The following EEFSEC variants were observed in gnomAD, a reference collection of about 807,000 sequenced individuals.
The protein encoded by EEFSEC is eukaryotic elongation factor, selenocysteine-tRNA specific.
EEFSEC carries 43 observed loss-of-function variants against 42.1 expected under a neutral mutation model. That is an observed-to-expected ratio of 1.02 (90% CI 0.80 to 1.32). The LOEUF (loss-of-function observed/expected upper bound fraction) is 1.32, where lower values mean the gene tolerates loss of function less well. Among genes scored for constraint, EEFSEC ranks in the 40% most tolerant of loss-of-function variants. The pLI is 0.00. For synonymous variants in EEFSEC, 354 were observed against 339.1 expected (o/e 1.04, Z -0.48); for missense variants, 745 against 803.6 (o/e 0.93, Z 0.88).
intron 2 of EEFSEC, among the ~76,000 whole-genome samples, chr3:128,247,551 A>G (rs1456410974): frequency 5.9e-5 from 9 of 152,208 alleles, no homozygotes; most frequent in African/African-American, 1.7e-4. Context: ...AGCTTGTAAG[A>G]TTGGGTGGAC....
intron 4 of EEFSEC, among the ~76,000 whole-genome samples, chr3:128,312,731 A>C (rs1475070306): frequency 6.6e-6 from 1 of 152,218 alleles, no homozygotes; most frequent in Admixed American, 6.5e-5. Context: ...CTGGATTGGC[A>C]AAGGGACCTG....
chr3:128,195,092 T>C (rs1253437369), intron 1 of EEFSEC, among the ~76,000 whole-genome samples: 10 of 151,940 alleles, frequency 6.6e-5, no homozygotes, highest in African/African-American at 2.2e-4. Flanking sequence ...GTAGCAGCAG[T>C]ACAATTAATA....
chr3:128,424,810 G>A, the EEFSEC span, among the ~76,000 whole-genome samples: 1 of 152,108 alleles, frequency 6.6e-6, no homozygotes, highest in Admixed American at 6.5e-5. Context: ...GTGAATGGAA[G>A]TAACAACCTC....
chr3:128,319,868 T>TA (rs1317298319), intron 4 of EEFSEC, among the ~76,000 whole-genome samples: 1 of 152,168 alleles, frequency 6.6e-6, no homozygotes, highest in Non-Finnish European at 1.5e-5. Context: ...GCCAAGGGAG[T>TA]AGCCCCTCTT....
chr3:128,384,036 G>A (rs1301573606), intron 6 of EEFSEC, among the ~76,000 whole-genome samples: 1 of 152,242 alleles, frequency 6.6e-6, no homozygotes, highest in African/African-American at 2.4e-5. Flanking sequence ...ATGGAGGCTA[G>A]ATTCTACTCC....
chr3:128,286,753 G>T (rs920007473), intron 4 of EEFSEC, among the ~76,000 whole-genome samples: 9 of 152,204 alleles, frequency 5.9e-5, no homozygotes, highest in Admixed American at 5.9e-4. Flanking sequence ...TGCTGCTGGG[G>T]CATCATTGCT....
intron 1 of EEFSEC, among the ~76,000 whole-genome samples, chr3:128,178,854 C>G (rs933060291): frequency 9.2e-5 from 14 of 152,138 alleles, no homozygotes; most frequent in African/African-American, 3.4e-4. Context: ...TTTATTGTAA[C>G]AGTTATTGTT....
intron 2 of EEFSEC, among the ~76,000 whole-genome samples, chr3:128,255,050 G>A (rs1055566862): frequency 1.3e-5 from 2 of 152,168 alleles, no homozygotes; most frequent in African/African-American, 2.4e-5. Context: ...CCATATCAGA[G>A]GCCAGGAATT....
At chr3:128,308,513 G>A (rs1389443841) in intron 4 of EEFSEC, among the ~76,000 whole-genome samples, 1 of 152,210 alleles carries the variant, frequency 6.6e-6, no homozygotes, top group African/African-American at 2.4e-5. Context: ...GAAGCCAAAT[G>A]CCATTTAATC....
intron 4 of EEFSEC, among the ~76,000 whole-genome samples, chr3:128,283,382 C>T (rs1024049990): frequency 3.9e-5 from 6 of 152,348 alleles, no homozygotes; most frequent in Non-Finnish European, 5.9e-5. Context: ...TACTTGCTTC[C>T]ACAAGTGAAA....
At chr3:128,422,716 C>T in the EEFSEC span, among the ~76,000 whole-genome samples, 30 of 152,366 alleles carry the variant, frequency 2.0e-4, no homozygotes, top group Non-Finnish European at 3.7e-4. Context: ...GAGCTTGAAA[C>T]ATCCCGTCCC....
At chr3:128,368,611 G>A (rs2067618153) in intron 6 of EEFSEC, among the ~76,000 whole-genome samples, 1 of 152,236 alleles carries the variant, frequency 6.6e-6, no homozygotes, top group Non-Finnish European at 1.5e-5. Flanking sequence ...TTGCTGGTCA[G>A]GGCCACTTCC....
intron 6 of EEFSEC, 72 bp downstream of exon 6, chr3:128,358,445 A>C (rs1320875785): frequency 3.8e-6 from 6 of 1,571,300 alleles, no homozygotes; most frequent in Non-Finnish European, 4.3e-6. Flanking sequence ...GGTGATGCCA[A>C]GGTGGCGCTC....
At chr3:128,196,746 C>T (rs2065588826) in intron 1 of EEFSEC, among the ~76,000 whole-genome samples, 1 of 152,172 alleles carries the variant, frequency 6.6e-6, no homozygotes, top group African/African-American at 2.4e-5. Flanking sequence ...GTGTCTGTCA[C>T]TTACTGGCAC....
intron 1 of EEFSEC, among the ~76,000 whole-genome samples, chr3:128,241,342 T>C (rs1306432435): frequency 6.6e-6 from 1 of 151,732 alleles, no homozygotes; most frequent in Non-Finnish European, 1.5e-5. Context: ...CCCAAGTAGG[T>C]GGGATTACAG....
chr3:128,229,916 T>G (rs1393868117), intron 1 of EEFSEC, among the ~76,000 whole-genome samples: 1 of 152,354 alleles, frequency 6.6e-6, no homozygotes, highest in Non-Finnish European at 1.5e-5. Context: ...TAGCCCATGT[T>G]GCTCATGTGA....
chr3:128,284,803 G>A (rs1049158756), intron 4 of EEFSEC, among the ~76,000 whole-genome samples: 1 of 152,072 alleles, frequency 6.6e-6, no homozygotes, highest in Non-Finnish European at 1.5e-5. Context: ...CCACCACCCT[G>A]CCACTCCCCC....
intron 1 of EEFSEC, among the ~76,000 whole-genome samples, chr3:128,221,350 G>T (rs1170975374): frequency 6.6e-6 from 1 of 152,250 alleles, no homozygotes; most frequent in African/African-American, 2.4e-5. Flanking sequence ...GATTGGAGAT[G>T]TGAGGTTCAC....
intron 2 of EEFSEC, among the ~76,000 whole-genome samples, chr3:128,250,917 T>TG (rs977012124): frequency 6.7e-6 from 1 of 149,958 alleles, no homozygotes; most frequent in African/African-American, 2.4e-5. Flanking sequence ...TTTGGTTTTT[T>TG]TTTTTTTTTT....
Sources: allele counts gnomAD v4.1 joint callset (sites outside exome capture counted in the v4.1 genomes callset), GRCh38; gene constraint gnomAD v4.1.1; transcripts MANE v1.5; gene names NCBI Gene and HGNC (gene_info 2026-07-23, HGNC 2026-07-21).